Variants in CREB5 observed in about 807,000 individuals in gnomAD.
The protein encoded by CREB5 is cAMP responsive element binding protein 5, also known as cyclic AMP-responsive element-binding protein 5.
Under a neutral mutation model 57.1 loss-of-function variants are expected in CREB5, and 19 were observed. The observed-to-expected ratio is 0.33, with a 90% CI of 0.23 to 0.49. The LOEUF (loss-of-function observed/expected upper bound fraction) is 0.49, where lower values mean the gene tolerates loss of function less well. Ranked by LOEUF, CREB5 falls within the 20% of genes least tolerant of loss-of-function variation. The pLI is 0.99. For synonymous variants in CREB5, 238 were observed against 238.3 expected, an observed-to-expected ratio of 1.00 and a Z score of 0.01; for missense variants, 579 against 671.6, an observed-to-expected ratio of 0.86 and a Z score of 1.52.
intron 1 of CREB5, among the ~76,000 whole-genome samples, chr7:28,331,848 C>CAAAAA (rs145837781): frequency 2.6e-5 from 2 of 75,584 alleles, no homozygotes; most frequent in South Asian, 4.9e-4. Flanking sequence ...AACTCCATCT[C>CAAAAA]AAAAAAAAAA....
At chr7:28,344,681 T>C (rs1304263125) in intron 1 of CREB5, among the ~76,000 whole-genome samples, 1 of 152,054 alleles carries the variant, frequency 6.6e-6, no homozygotes, top group Non-Finnish European at 1.5e-5. Context: ...ATTTTGAATG[T>C]AAATTGATTC....
chr7:28,737,563 A>ACG (rs1804080657), intron 7 of CREB5, among the ~76,000 whole-genome samples: 1 of 126,170 alleles, frequency 7.9e-6, no homozygotes, highest in African/African-American at 2.9e-5. Context: ...ATATATATAT[A>ACG]TATATATATA....
upstream of CREB5, among the ~76,000 whole-genome samples, chr7:28,407,649 A>G (rs1483250850): frequency 2.0e-5 from 3 of 152,244 alleles, no homozygotes; most frequent in African/African-American, 4.8e-5. Context: ...TATTTCTACA[A>G]TAAGTAGAAA....
chr7:28,665,168 T>C (rs1799774302), intron 5 of CREB5, among the ~76,000 whole-genome samples: 1 of 152,176 alleles, frequency 6.6e-6, no homozygotes. Flanking sequence ...TGACCTCTGC[T>C]GCTGGGTAAT....
At chr7:28,716,179 C>G (rs1304106927) in intron 5 of CREB5, among the ~76,000 whole-genome samples, 1 of 151,792 alleles carries the variant, frequency 6.6e-6, no homozygotes, top group Non-Finnish European at 1.5e-5. Flanking sequence ...ATCTCCTGAA[C>G]TAGAATAGGT....
intron 4 of CREB5, among the ~76,000 whole-genome samples, chr7:28,569,941 T>G (rs1422852587): frequency 6.6e-6 from 1 of 152,158 alleles, no homozygotes. Flanking sequence ...CTTATAGGAC[T>G]AAAAATGAAA....
intron 1 of CREB5, among the ~76,000 whole-genome samples, chr7:28,316,084 C>T (rs756723539): frequency 6.6e-6 from 1 of 152,130 alleles, no homozygotes; most frequent in Non-Finnish European, 1.5e-5. Context: ...GAAAACAGGC[C>T]GGGGAAATGT....
chr7:28,723,443 G>A (rs1052281825), intron 6 of CREB5, among the ~76,000 whole-genome samples: 5 of 152,220 alleles, frequency 3.3e-5, no homozygotes, highest in Non-Finnish European at 7.3e-5. Flanking sequence ...TGGCAGGCCA[G>A]CAGGAAGACA....
chr7:28,349,622 A>T (rs1398059094), intron 1 of CREB5, among the ~76,000 whole-genome samples: 3 of 152,166 alleles, frequency 2.0e-5, no homozygotes, highest in African/African-American at 7.2e-5. Flanking sequence ...CGGCCCATAC[A>T]ACTTAAGTCC....
At chr7:28,538,487 CT>C (rs1054713263) in intron 4 of CREB5, among the ~76,000 whole-genome samples, 3 of 152,136 alleles carry the variant, frequency 2.0e-5, no homozygotes, top group Non-Finnish European at 4.4e-5. Flanking sequence ...TGACTCTTCT[CT>C]TTTTTTCTTT....
At position 28,650,591 on chromosome 7, in the gene CREB5, T is replaced by C. The variant is rs187890705; in HGVS notation, c.465-68162T>C. Among the ~76,000 whole-genome samples the C allele has an allele frequency of 3.0e-4, 45 of 150,960 alleles. No homozygotes were observed. In the East Asian group the frequency reaches 8.6e-3, roughly 29 times the overall value. On this transcript the variant is annotated intron_variant, in intron 5 of 10. Coordinates refer to ENST00000357727, the MANE Select transcript of CREB5 (RefSeq NM_182898.4). ...GGCTACTAAGAATTAGCCTAGTGCT[T>C]CCCCCCCCAACCTTCCATAGGAAAT...
chr7:28,635,879 C>T (rs955502774), intron 5 of CREB5, among the ~76,000 whole-genome samples: 1 of 152,230 alleles, frequency 6.6e-6, no homozygotes, highest in Non-Finnish European at 1.5e-5. Context: ...TTCAGAATTG[C>T]TCCTGAGCCA....
intron 1 of CREB5, among the ~76,000 whole-genome samples, chr7:28,305,977 TTTAA>T (rs983196397): frequency 3.3e-5 from 5 of 152,126 alleles, no homozygotes; most frequent in East Asian, 3.9e-4. Context: ...GTGTACAGAT[TTTAA>T]TTAGTTTTTT....
chr7:28,520,944 T>C (rs1793180053), intron 4 of CREB5, among the ~76,000 whole-genome samples: 2 of 152,250 alleles, frequency 1.3e-5, no homozygotes, highest in East Asian at 3.8e-4. Flanking sequence ...ATTAATATAG[T>C]GTGTCTGTTT....
intron 1 of CREB5, among the ~76,000 whole-genome samples, chr7:28,346,915 G>C (rs1218901705): frequency 6.6e-6 from 1 of 152,110 alleles, no homozygotes; most frequent in Non-Finnish European, 1.5e-5. Flanking sequence ...CAGTATAAAA[G>C]GGAAGACATA....
intron 2 of CREB5, among the ~76,000 whole-genome samples, chr7:28,489,990 C>A (rs1791728408): frequency 6.6e-6 from 1 of 152,208 alleles, no homozygotes; most frequent in Non-Finnish European, 1.5e-5. Context: ...TAAGGTAGAG[C>A]TGATTCCCAT....
intron 7 of CREB5, among the ~76,000 whole-genome samples, chr7:28,781,488 T>G (rs1303965472): frequency 6.6e-6 from 1 of 152,200 alleles, no homozygotes; most frequent in Non-Finnish European, 1.5e-5. Flanking sequence ...CATAAGAACC[T>G]TCCAGAAGCA....
chr7:28,405,412 G>T (rs1583424090), intron 1 of CREB5, among the ~76,000 whole-genome samples: 2 of 152,128 alleles, frequency 1.3e-5, no homozygotes, highest in Non-Finnish European at 2.9e-5. Context: ...TAGAGGATTG[G>T]TCTCTTTTCC....
intron 1 of CREB5, among the ~76,000 whole-genome samples, chr7:28,480,502 T>C (rs1271680150): frequency 2.0e-5 from 3 of 152,116 alleles, no homozygotes; most frequent in African/African-American, 7.2e-5. Context: ...AATTTTTCTT[T>C]TTTGTTTTCT....
Sources: gnomAD v4.1 joint callset for allele counts (sites outside exome capture counted in the v4.1 genomes callset) on GRCh38, gnomAD v4.1.1 for gene constraint, MANE v1.5 for transcripts, NCBI Gene and HGNC (gene_info 2026-07-23, HGNC 2026-07-21) for gene names.